The following NRXN3 variants were observed in gnomAD, a reference collection of about 807,000 sequenced individuals.
The protein encoded by NRXN3 is neurexin 3.
Under a neutral mutation model 137.6 loss-of-function variants are expected in NRXN3, and 32 were observed. The ratio of observed to expected loss-of-function variants is 0.23; its 90% CI spans 0.18 to 0.31. The LOEUF (loss-of-function observed/expected upper bound fraction) is 0.31, where lower values mean the gene tolerates loss of function less well. Among genes scored for constraint, NRXN3 ranks in the 10% least tolerant of loss-of-function variants. The pLI is 1.00. For synonymous variants in NRXN3, 798 were observed against 784.5 expected, an observed-to-expected ratio of 1.02 and a Z score of -0.29; for missense variants, 1,574 against 2,062.5, an observed-to-expected ratio of 0.76 and a Z score of 4.59.
At chr14:78,283,271 T>C (rs527509199) in intron 3 of NRXN3, 8 of 152,246 alleles carry the variant, frequency 5.3e-5, no homozygotes, top group African/African-American at 1.9e-4. Context: ...CAAGATAGCA[T>C]AGGATGGAGC....
rs999226079 is a variant in NRXN3, at chr14:79,114,931, A to C, written c.3262+126790A>C. Among the ~76,000 whole-genome samples the C allele has an allele frequency of 2.0e-5, 3 of 152,120 alleles. No homozygotes were observed. The East Asian group carries it at 5.8e-4, about 29-fold the overall frequency. ...ACACGTCTCTGGAAATGACTCCCAG[A>C]GGTATTATCTTTAAATACGACATTA... On this transcript the variant is annotated intron_variant, in intron 15 of 20. Transcript: ENST00000335750.
At chr14:78,265,887 A>G (rs1206950140) in intron 2 of NRXN3, among the ~76,000 whole-genome samples, 1 of 152,196 alleles carries the variant, frequency 6.6e-6, no homozygotes, top group East Asian at 1.9e-4. Flanking sequence ...TTTGTGGCCC[A>G]TCTTCCTGGC....
chr14:78,365,428 C>T (rs1407163715), intron 4 of NRXN3, among the ~76,000 whole-genome samples: 2 of 152,202 alleles, frequency 1.3e-5, no homozygotes, highest in Non-Finnish European at 2.9e-5. Flanking sequence ...CTTTCATCTA[C>T]TGTCTCTGTC....
At chr14:79,399,787 G>A (rs182680446) in intron 15 of NRXN3, among the ~76,000 whole-genome samples, 1 of 152,256 alleles carries the variant, frequency 6.6e-6, no homozygotes, top group East Asian at 1.9e-4. Context: ...TGGAAAATCA[G>A]TTTCTCCCAG....
chr14:79,525,322 A>C (rs2153708922), intron 16 of NRXN3, among the ~76,000 whole-genome samples: 1 of 152,268 alleles, frequency 6.6e-6, no homozygotes, highest in Non-Finnish European at 1.5e-5. Context: ...CATCCATTTA[A>C]TTATTGGTGC....
At chr14:78,761,149 C>T (rs368605329) in intron 8 of NRXN3, among the ~76,000 whole-genome samples, 17 of 152,250 alleles carry the variant, frequency 1.1e-4, no homozygotes, top group African/African-American at 3.6e-4. Context: ...GAGAAAAAGA[C>T]GGAAATGAAT....
rs73322213 is a variant in NRXN3 at position 78,184,931 on chromosome 14, G to A, written c.-704+14257G>A. 8.5e-3 allele frequency among the ~76,000 whole-genome samples: 1,293 copies of A among 152,322 alleles called. 17 individuals are homozygous for A. The highest frequency in any genetic ancestry group is 0.028 in the African/African-American group (1,167 of 41,564). On this transcript the variant is annotated intron_variant, in intron 1 of 20. Coordinates refer to ENST00000335750, the MANE Select transcript of NRXN3 (RefSeq NM_001330195.2). ...GATGCTGTGCTTAAAGGAGGTTTAT[G>A]ATACAGATTTGATTTCTTCATCTCT...
At chr14:79,006,367 GCATGAACTAAAGTGT>G (rs2099552919) in intron 15 of NRXN3, among the ~76,000 whole-genome samples, 1 of 152,018 alleles carries the variant, frequency 6.6e-6, no homozygotes, top group African/African-American at 2.4e-5. Context: ...AACCCCAAAA[GCATGAACTAAAGTGT>G]CAGTACTGGT....
At chr14:79,253,705 A>G (rs958705932) in intron 15 of NRXN3, among the ~76,000 whole-genome samples, 3 of 152,350 alleles carry the variant, frequency 2.0e-5, no homozygotes, top group Admixed American at 1.3e-4. Flanking sequence ...AGAGCGAGGC[A>G]GGAGCTGCCA....
At chr14:78,608,656 G>A (rs560087253) in intron 4 of NRXN3, among the ~76,000 whole-genome samples, 1 of 152,190 alleles carries the variant, frequency 6.6e-6, no homozygotes, top group African/African-American at 2.4e-5. Flanking sequence ...TTTCTTTGTC[G>A]ACTGAGATGG....
chr14:79,813,842 TAAAAG>T (rs2099243286), intron 20 of NRXN3, among the ~76,000 whole-genome samples: 1 of 151,970 alleles, frequency 6.6e-6, no homozygotes, highest in African/African-American at 2.4e-5. Flanking sequence ...CAGAAAAAAA[TAAAAG>T]AAAAACACAT....
intron 4 of NRXN3, among the ~76,000 whole-genome samples, chr14:78,584,367 T>TA (rs1044115092): frequency 4.6e-5 from 7 of 152,204 alleles, no homozygotes; most frequent in Non-Finnish European, 8.8e-5. Flanking sequence ...TTGGCTGTTC[T>TA]AAAAAGGCTA....
intron 19 of NRXN3, among the ~76,000 whole-genome samples, chr14:79,713,095 T>G (rs2098810373): frequency 1.3e-5 from 2 of 152,064 alleles, no homozygotes; most frequent in Admixed American, 1.3e-4. Flanking sequence ...CCAATGTTTT[T>G]GGGCATCCAA....
chr14:79,725,376 G>A (rs1032653425), intron 19 of NRXN3, among the ~76,000 whole-genome samples: 7 of 152,146 alleles, frequency 4.6e-5, no homozygotes, highest in African/African-American at 1.4e-4. Context: ...GACACACTGA[G>A]CCATTACCAG....
intron 15 of NRXN3, among the ~76,000 whole-genome samples, chr14:79,206,268 A>G (rs1370975278): frequency 6.6e-6 from 1 of 152,200 alleles, no homozygotes; most frequent in Non-Finnish European, 1.5e-5. Flanking sequence ...ATTTGCACGT[A>G]TTAATCCTTA....
chr14:78,468,130 G>A (rs2095167615), intron 4 of NRXN3, among the ~76,000 whole-genome samples: 1 of 151,886 alleles, frequency 6.6e-6, no homozygotes, highest in South Asian at 2.1e-4. Flanking sequence ...CACCAAGTTG[G>A]GTCTTATTAT....
intron 10 of NRXN3, among the ~76,000 whole-genome samples, chr14:78,837,870 C>T (rs1489217883): frequency 6.6e-6 from 1 of 151,968 alleles, no homozygotes; most frequent in African/African-American, 2.4e-5. Flanking sequence ...AATTTTTAGC[C>T]TTATGTTGGA....
intron 16 of NRXN3, among the ~76,000 whole-genome samples, chr14:79,608,486 C>G (rs2153855221): frequency 6.6e-6 from 1 of 152,294 alleles, no homozygotes; most frequent in Non-Finnish European, 1.5e-5. Flanking sequence ...TTCAGTTAAA[C>G]TGAAGTACAG....
At chr14:79,433,386 G>A (rs575289573) in intron 15 of NRXN3, among the ~76,000 whole-genome samples, 12 of 152,228 alleles carry the variant, frequency 7.9e-5, no homozygotes, top group African/African-American at 2.6e-4. Flanking sequence ...GAAGTCAGAA[G>A]CCTAAGTGGG....
Sources: allele counts gnomAD v4.1 joint callset (sites outside exome capture counted in the v4.1 genomes callset), GRCh38; gene constraint gnomAD v4.1.1; transcripts MANE v1.5; gene names NCBI Gene and HGNC (gene_info 2026-07-23, HGNC 2026-07-21).